The following PZP variants were observed in gnomAD, a reference collection of about 807,000 sequenced individuals.
The protein encoded by PZP is PZP alpha-2-macroglobulin like, also known as pregnancy zone protein.
In PZP, 150 loss-of-function variants were observed where a neutral mutation model predicts 179.8. That is an observed-to-expected ratio of 0.83 (90% confidence interval 0.73 to 0.96). PZP has a LOEUF of 0.96. Among genes scored for constraint, PZP ranks in the 40% least tolerant of loss-of-function variants. PZP has a pLI of 0.00. For synonymous variants in PZP, 624 were observed against 652.3 expected, an observed-to-expected ratio of 0.96 and a Z score of 0.66; for missense variants, 1,689 against 1,764.0, an observed-to-expected ratio of 0.96 and a Z score of 0.76.
Position 9,154,817 on chromosome 12 carries a change from G to A in PZP, c.3573C>T (p.Arg1191=), listed in dbSNP as rs1940628433. ...VKEDNLVHWE[R]PQRPKAPVGH... is the part of the protein sequence containing the mutation. ...CCACTGGTGCCTTGGGTCTCTGAGG[G>A]CGCTCCCAATGGACGAGGTTGTCTT... The change falls in exon 29 of 36, where the codon CGC becomes CGT. Residue 1191 remains arginine, a synonymous_variant. Coordinates refer to ENST00000261336, the MANE Select transcript of PZP (RefSeq NM_002864.3). The A allele has an allele frequency of 4.3e-6, 7 of 1,614,146 alleles. No homozygotes were observed. Among genetic ancestry groups the A allele is most frequent in the Non-Finnish European group, 5.9e-6 (7 of 1,180,020 alleles).
In PZP at chr12:9,158,427, G is replaced by A. The variant is rs777016513; in HGVS notation, c.3287C>T (p.Ala1096Val). ...GTTTGTGGAACAGTTCACCTTTATG[G>A]CATTGTTGAGCAGTGACCCAGAGCT... Reference protein sequence around the residue: ...FRSSGSLLNNAIKGGVEDEAT... With the variant: ...FRSSGSLLNNVIKGGVEDEAT... The change falls in exon 26 of 36, where the codon GCC (alanine) becomes GTC (valine). Residue 1096 changes from alanine to valine, a missense_variant. Ala to Val is a moderately conservative substitution (Grantham distance 64). Coordinates refer to ENST00000261336, the MANE Select transcript of PZP (RefSeq NM_002864.3). The A allele has an allele frequency of 1.9e-6, 3 of 1,613,942 alleles. No homozygotes were observed. The highest frequency in any genetic ancestry group is 2.5e-6 in the Non-Finnish European group (3 of 1,179,992).
intron 1 of PZP, among the ~76,000 whole-genome samples, chr12:9,207,574 A>G (rs1265368384): frequency 6.6e-6 from 1 of 152,234 alleles, no homozygotes; most frequent in East Asian, 1.9e-4. Flanking sequence ...TGAACACACA[A>G]GAGAAACCAG....
intron 7 of PZP, among the ~76,000 whole-genome samples, chr12:9,198,285 G>T (rs974129510): frequency 6.6e-6 from 1 of 152,014 alleles, no homozygotes; most frequent in African/African-American, 2.4e-5. Context: ...CCAGGAGTTT[G>T]AGGCTACAGT....
intron 7 of PZP, among the ~76,000 whole-genome samples, chr12:9,198,059 T>C (rs1943937786): frequency 6.7e-6 from 1 of 148,210 alleles, no homozygotes; most frequent in Non-Finnish European, 1.5e-5. Flanking sequence ...TATATATATA[T>C]GTTTTTCCTT....
chr12:9,153,070 A>G (rs1309139613), intron 30 of PZP, 55 bp downstream of exon 30: 2 of 1,607,470 alleles, frequency 1.2e-6, no homozygotes, highest in Admixed American at 3.4e-5. Flanking sequence ...CAGAGTTTCC[A>G]TTTCAATTGG....
At chr12:9,147,297 A>G (rs1461131867), downstream of PZP, among the ~76,000 whole-genome samples, 1 of 152,128 alleles carries the variant, frequency 6.6e-6, no homozygotes, top group Admixed American at 6.5e-5. Flanking sequence ...GAACTCTATC[A>G]CTGGCAAGAT....
At chr12:9,151,479 G>T in intron 33 of PZP, 125 bp downstream of exon 33, 1 of 691,476 alleles carries the variant, frequency 1.4e-6, no homozygotes, top group Non-Finnish European at 2.4e-6. Flanking sequence ...TCTTGGAATA[G>T]ATAAACCTTT....
the PZP span, among the ~76,000 whole-genome samples, chr12:9,142,455 C>A: frequency 6.6e-6 from 1 of 152,214 alleles, no homozygotes; most frequent in Non-Finnish European, 1.5e-5. Flanking sequence ...AAAATGTATG[C>A]TGGCAACTCT....
the PZP span, among the ~76,000 whole-genome samples, chr12:9,140,243 A>G: frequency 6.6e-6 from 1 of 152,216 alleles, no homozygotes; most frequent in African/African-American, 2.4e-5. Context: ...GGGTAAGAAC[A>G]TTAGTCCTAG....
intron 17 of PZP, chr12:9,168,651 G>T: frequency 4.5e-6 from 2 of 445,876 alleles, no homozygotes; most frequent in South Asian, 5.2e-5. Context: ...TATTTTATCT[G>T]ATTTTGTGCC....
At chr12:9,183,265 G>T (rs1299877318) in intron 13 of PZP, among the ~76,000 whole-genome samples, 1 of 152,144 alleles carries the variant, frequency 6.6e-6, no homozygotes, top group East Asian at 1.9e-4. Flanking sequence ...TGTCAAATGA[G>T]TGCATTTTAG....
At chr12:9,180,311 T>C (rs778782408) in intron 15 of PZP, among the ~76,000 whole-genome samples, 3 of 152,192 alleles carry the variant, frequency 2.0e-5, no homozygotes, top group Admixed American at 6.5e-5. Flanking sequence ...TTAAAGTTCA[T>C]ATGGAACCAA....
At chr12:9,196,824 A>C (rs1943802170) in intron 8 of PZP, 139 bp from the exon 9 acceptor site, 5 of 793,220 alleles carry the variant, frequency 6.3e-6, no homozygotes, top group East Asian at 2.6e-5. Context: ...CTTAATACTC[A>C]TATCTGCTTT....
At chr12:9,146,274 C>T (rs113746219), downstream of PZP, among the ~76,000 whole-genome samples, 78 of 151,748 alleles carry the variant, frequency 5.1e-4, 2 homozygotes, top group African/African-American at 1.8e-3. Flanking sequence ...TTCAAATTAA[C>T]TGATCTTTTC....
At chr12:9,152,793 A>C in intron 31 of PZP, 31 bp downstream of exon 31, 1 of 1,602,208 alleles carries the variant, frequency 6.2e-7, no homozygotes, top group South Asian at 1.1e-5. Flanking sequence ...CTTTTGGGCC[A>C]AAGATAGGTG....
At chr12:9,196,774 C>CTT (rs11049396) in intron 8 of PZP, 89 bp from the exon 9 acceptor site, 1,909 of 986,274 alleles carry the variant, frequency 1.9e-3, no homozygotes, top group Non-Finnish European at 2.0e-3. Context: ...GACAAGAAAA[C>CTT]TTTTTTTTTG....
intron 13 of PZP, among the ~76,000 whole-genome samples, chr12:9,183,185 A>C (rs953644064): frequency 4.6e-5 from 7 of 152,232 alleles, no homozygotes; most frequent in African/African-American, 1.2e-4. Context: ...TATCAGGATG[A>C]ACAAGGCTAG....
intron 32 of PZP, among the ~76,000 whole-genome samples, chr12:9,152,001 T>C (rs987215495): frequency 6.6e-6 from 1 of 152,224 alleles, no homozygotes; most frequent in African/African-American, 2.4e-5. Flanking sequence ...GACTAAACTA[T>C]GAGTGGCCTA....
the PZP span, among the ~76,000 whole-genome samples, chr12:9,140,626 A>G: frequency 3.3e-5 from 5 of 152,206 alleles, no homozygotes; most frequent in African/African-American, 1.2e-4. Context: ...TGTTCCATAG[A>G]AGGAATCTGA....
Sources: gnomAD v4.1 joint callset for allele counts (sites outside exome capture counted in the v4.1 genomes callset) on GRCh38, gnomAD v4.1.1 for gene constraint, MANE v1.5 for transcripts, NCBI Gene and HGNC (gene_info 2026-07-23, HGNC 2026-07-21) for gene names.